Variants in SIK3 observed in about 807,000 individuals in gnomAD.
The protein encoded by SIK3 is SIK family kinase 3.
Under a neutral mutation model 144.2 loss-of-function variants are expected in SIK3, and 28 were observed. The ratio of observed to expected loss-of-function variants is 0.19; its 90% CI spans 0.14 to 0.27. The LOEUF is 0.27. Among genes scored for constraint, SIK3 ranks in the 10% least tolerant of loss-of-function variants. SIK3 has a pLI of 1.00. For synonymous variants in SIK3, 686 were observed against 676.3 expected, an observed-to-expected ratio of 1.01 and a Z score of -0.22; for missense variants, 1,319 against 1,776.0, an observed-to-expected ratio of 0.74 and a Z score of 4.62.
intron 1 of SIK3, among the ~76,000 whole-genome samples, chr11:117,088,885 T>C (rs56257632): frequency 0.079 from 11,944 of 152,094 alleles, 1,112 homozygotes; most frequent in African/African-American, 0.23. Context: ...TCTCACTATG[T>C]TGCCCAGGCT....
chr11:116,879,680 A>G (rs1035415924), intron 6 of SIK3, among the ~76,000 whole-genome samples: 4 of 152,252 alleles, frequency 2.6e-5, no homozygotes, highest in African/African-American at 7.2e-5. Flanking sequence ...CAAAGTTCCT[A>G]TATCAAAATG....
At chr11:116,892,119 G>A (rs568171686) in intron 6 of SIK3, among the ~76,000 whole-genome samples, 17 of 152,132 alleles carry the variant, frequency 1.1e-4, no homozygotes, top group Non-Finnish European at 2.5e-4. Flanking sequence ...TGTCGCCCTA[G>A]ATCGAGAGGT....
At chr11:117,019,585 C>A (rs1018057826) in intron 1 of SIK3, among the ~76,000 whole-genome samples, 8 of 151,510 alleles carry the variant, frequency 5.3e-5, no homozygotes, top group Non-Finnish European at 1.0e-4. Flanking sequence ...ATCTCCTCAT[C>A]TCCTGCCAAT....
intron 1 of SIK3, among the ~76,000 whole-genome samples, chr11:116,972,631 T>C (rs1301142789): frequency 6.6e-6 from 1 of 152,178 alleles, no homozygotes; most frequent in Non-Finnish European, 1.5e-5. Context: ...AAGACAGACT[T>C]ACTGGATGCA....
At chr11:117,007,152 T>C (rs1591523429) in intron 1 of SIK3, among the ~76,000 whole-genome samples, 1 of 152,260 alleles carries the variant, frequency 6.6e-6, no homozygotes, top group South Asian at 2.1e-4. Context: ...CCGAGGCAGG[T>C]AGATCACCTG....
chr11:116,996,453 A>G (rs529577769), intron 1 of SIK3, among the ~76,000 whole-genome samples: 1 of 152,216 alleles, frequency 6.6e-6, no homozygotes, highest in Non-Finnish European at 1.5e-5. Context: ...GGCCAGAAAA[A>G]TATCAATAAT....
At chr11:116,976,305 C>T (rs542839140) in intron 1 of SIK3, among the ~76,000 whole-genome samples, 4 of 152,210 alleles carry the variant, frequency 2.6e-5, no homozygotes, top group East Asian at 3.9e-4. Flanking sequence ...AAGGTTTGCT[C>T]GTATGTTTTC....
intron 3 of SIK3, among the ~76,000 whole-genome samples, chr11:116,953,769 G>A (rs650150): frequency 0.019 from 2,922 of 152,292 alleles, 108 homozygotes; most frequent in African/African-American, 0.065. Context: ...TAAGTCCCAC[G>A]TTCAGAAAGG....
chr11:117,027,611 C>G (rs113080842), intron 1 of SIK3, among the ~76,000 whole-genome samples: 1 of 151,892 alleles, frequency 6.6e-6, no homozygotes, highest in East Asian at 1.9e-4. Flanking sequence ...TACACGCGCC[C>G]GCCACCATGC....
At chr11:116,911,897 C>T (rs1946367093) in intron 4 of SIK3, among the ~76,000 whole-genome samples, 2 of 152,124 alleles carry the variant, frequency 1.3e-5, no homozygotes, top group South Asian at 2.1e-4. Flanking sequence ...ACAGAGTCAA[C>T]ATTAAAATGA....
rs531293860 is a variant in SIK3 at position 117,070,185 on chromosome 11, A to T, written c.273+27958T>A. Among the ~76,000 whole-genome samples the T allele has an allele frequency of 9.8e-5, 15 of 152,354 alleles. No homozygotes were observed. In the East Asian group the frequency reaches 2.9e-3, roughly 29 times the overall value. ...AATACAACCCCTTCACTAGAAAACA[A>T]TATAAATGCAAATAGTGAATCAGTA... On this transcript the variant is annotated intron_variant, in intron 1 of 24. Transcript: ENST00000445177.
intron 1 of SIK3, among the ~76,000 whole-genome samples, chr11:116,994,601 C>T (rs189179587): frequency 6.6e-5 from 10 of 152,212 alleles, no homozygotes; most frequent in East Asian, 1.9e-4. Context: ...TAAATGATCA[C>T]GAAATCCCTT....
intron 21 of SIK3, among the ~76,000 whole-genome samples, chr11:116,854,979 AG>A (rs1296352382): frequency 7.5e-5 from 11 of 147,558 alleles, no homozygotes; most frequent in Non-Finnish European, 4.5e-5. Context: ...CTAGCTACTT[AG>A]GAGGCTGAGG....
intron 1 of SIK3, among the ~76,000 whole-genome samples, chr11:116,993,928 G>A (rs1382163368): frequency 1.3e-5 from 2 of 152,164 alleles, no homozygotes; most frequent in African/African-American, 4.8e-5. Flanking sequence ...AACCATGAGT[G>A]AGTTACACAT....
At chr11:116,881,011 C>G (rs1418407902) in intron 6 of SIK3, among the ~76,000 whole-genome samples, 2 of 152,146 alleles carry the variant, frequency 1.3e-5, no homozygotes, top group Non-Finnish European at 2.9e-5. Flanking sequence ...GTAATCCCAG[C>G]TACCCGGGAG....
chr11:116,910,339 T>C (rs1253117655), intron 4 of SIK3, among the ~76,000 whole-genome samples: 1 of 152,122 alleles, frequency 6.6e-6, no homozygotes, highest in Non-Finnish European at 1.5e-5. Flanking sequence ...ACCTAGATAA[T>C]ATTTTTAAAA....
intron 1 of SIK3, among the ~76,000 whole-genome samples, chr11:117,022,213 C>T (rs1277025947): frequency 6.6e-6 from 1 of 151,842 alleles, no homozygotes; most frequent in African/African-American, 2.4e-5. Flanking sequence ...GAAAGAGGCA[C>T]AAGGGAACTA....
rs372253615 is a variant in SIK3 at position 116,976,698 on chromosome 11, G to T, written c.274-19634C>A. On this transcript the variant is annotated intron_variant, in intron 1 of 24. Coordinates refer to ENST00000445177, the MANE Select transcript of SIK3 (RefSeq NM_001366686.3). Reference sequence around the variant, plus strand: ...TGAAGTTGTGTGAGCCCCCCTACAGGGCCTAGGACCCAGAACGCAGTTGTG... The same window carrying T: ...TGAAGTTGTGTGAGCCCCCCTACAGTGCCTAGGACCCAGAACGCAGTTGTG... Among the ~76,000 whole-genome samples the T allele has an allele frequency of 5.3e-5, 8 of 152,146 alleles. No individual in the cohort carries two copies. The South Asian group carries it at 1.0e-3, about 20-fold the overall frequency.
rs143509098 is a variant in SIK3, at chr11:117,011,547, T to C, written c.274-54483A>G. On this transcript the variant is annotated intron_variant, in intron 1 of 24. Transcript: ENST00000445177. ...TTTTTTTTTACCCCGAACCAGAAAT[T>C]CTGTTGAGATTGGTGAGATTTACAA... Among the ~76,000 whole-genome samples, 92 of 152,238 alleles carry C rather than the reference T, an allele frequency of 6.0e-4. 1 individual carries two copies. Among genetic ancestry groups the C allele is most frequent in the African/African-American group, 2.1e-3 (88 of 41,528 alleles).
Sources: gnomAD v4.1 joint callset for allele counts (sites outside exome capture counted in the v4.1 genomes callset) on GRCh38, gnomAD v4.1.1 for gene constraint, MANE v1.5 for transcripts, NCBI Gene and HGNC (gene_info 2026-07-23, HGNC 2026-07-21) for gene names.